SLIT3: variants seen among roughly 807,000 people sequenced by gnomAD.
SLIT3 encodes the protein slit homolog 3 protein.
A neutral mutation model predicts 184.0 loss-of-function variants in SLIT3; 68 were observed. The observed-to-expected ratio is 0.37, with a 90% confidence interval of 0.30 to 0.45. SLIT3 has a LOEUF of 0.45. Ranked by LOEUF, SLIT3 falls within the 20% of genes least tolerant of loss-of-function variation. The pLI, the probability that SLIT3 is intolerant of heterozygous loss-of-function variation, is 1.00. For synonymous variants in SLIT3, 831 were observed against 828.6 expected, an observed-to-expected ratio of 1.00 and a Z score of -0.05; for missense variants, 1,707 against 2,026.0, an observed-to-expected ratio of 0.84 and a Z score of 3.02.
Position 168,907,250 on chromosome 5 carries a change from C to T in SLIT3, c.414-23914G>A, listed in dbSNP as rs151322435. 2.8e-3 allele frequency among the ~76,000 whole-genome samples: 424 copies of T among 152,298 alleles called. 23 individuals carry two copies. The East Asian group carries it at 0.065, about 23-fold the overall frequency. ...CTTTCTGCCCTACCTAGCCCTGTGT[C>T]GGTGCAGAGCCACAGCTTTGGGTCA... On this transcript the variant is annotated intron_variant, in intron 4 of 35. Coordinates refer to ENST00000519560, the MANE Select transcript of SLIT3 (RefSeq NM_003062.4).
chr5:169,050,138 G>A (rs910438714), intron 4 of SLIT3, among the ~76,000 whole-genome samples: 7 of 152,176 alleles, frequency 4.6e-5, no homozygotes, highest in Non-Finnish European at 1.0e-4. Flanking sequence ...CCAGCAGGCC[G>A]TTTGCTGGGC....
chr5:168,738,639 T>TA (rs996868640), intron 20 of SLIT3, among the ~76,000 whole-genome samples: 6 of 152,182 alleles, frequency 3.9e-5, no homozygotes, highest in Admixed American at 6.5e-5. Context: ...CCCATCACTT[T>TA]AAAAAAAGCA....
At chr5:168,821,073 A>T (rs1374132561) in intron 7 of SLIT3, among the ~76,000 whole-genome samples, 1 of 152,216 alleles carries the variant, frequency 6.6e-6, no homozygotes. Flanking sequence ...GGCAGCAGGC[A>T]GGGAGCAAAG....
Position 168,723,564 on chromosome 5 carries a change from T to C in SLIT3, c.2340-560A>G, listed in dbSNP as rs137899581. On this transcript the variant is annotated intron_variant, in intron 21 of 35. Transcript: ENST00000519560. Reference sequence around the variant, plus strand: ...TAATAACAATCTCTCCTTGTTTTAGTACTTTTTTCCCCTGATTAATTCTTT... The same window carrying C: ...TAATAACAATCTCTCCTTGTTTTAGCACTTTTTTCCCCTGATTAATTCTTT... 3.9e-3 allele frequency among the ~76,000 whole-genome samples: 592 copies of C among 152,342 alleles called. 4 individuals are homozygous for C. Among genetic ancestry groups the C allele is most frequent in the African/African-American group, 0.013 (549 of 41,576 alleles).
intron 4 of SLIT3, among the ~76,000 whole-genome samples, chr5:169,098,108 C>CGGAAG (rs1759856946): frequency 1.3e-5 from 2 of 151,992 alleles, no homozygotes; most frequent in Non-Finnish European, 2.9e-5. Context: ...CAATGGGTAT[C>CGGAAG]CCTGGGCCCC....
chr5:168,996,647 A>G (rs1218691419), intron 4 of SLIT3, among the ~76,000 whole-genome samples: 2 of 152,178 alleles, frequency 1.3e-5, no homozygotes, highest in Non-Finnish European at 2.9e-5. Context: ...TAGACATTTC[A>G]CTGATGAATG....
intron 1 of SLIT3, among the ~76,000 whole-genome samples, chr5:169,257,533 CTTTTTTTTTTTT>C (rs1157258489): frequency 7.4e-5 from 6 of 80,908 alleles, no homozygotes; most frequent in Non-Finnish European, 1.1e-4. Context: ...TCTATGCCTC[CTTTTTTTTTTTT>C]TTTTTTTTTT....
In SLIT3 at chr5:168,785,900, T is replaced by C; in HGVS notation, c.1151+7A>G. ...AAGACACCAACAGTGACAAAGTTCC[T>C]ACTCACAGCAGCTGTAGGGACACCA... On this transcript the variant is annotated splice_region_variant and intron_variant, in intron 12 of 35. Transcript: ENST00000519560. 1 of 1,607,988 alleles carries C rather than the reference T, an allele frequency of 6.2e-7. No individual in the cohort carries two copies. Among genetic ancestry groups the C allele is most frequent in the Non-Finnish European group, 8.5e-7 (1 of 1,174,818 alleles).
At chr5:168,736,082 G>C (rs955187019) in intron 20 of SLIT3, among the ~76,000 whole-genome samples, 1 of 152,144 alleles carries the variant, frequency 6.6e-6, no homozygotes, top group African/African-American at 2.4e-5. Flanking sequence ...GCCTGATCTG[G>C]TCGGTTTTCT....
At chr5:168,768,297 C>T (rs528625685) in intron 14 of SLIT3, 19 of 475,958 alleles carry the variant, frequency 4.0e-5, no homozygotes, top group African/African-American at 5.9e-5. Context: ...AGGACAGGAG[C>T]GCTCAGAGGA....
chr5:169,100,008 G>C (rs2113227145), intron 4 of SLIT3, among the ~76,000 whole-genome samples: 1 of 152,328 alleles, frequency 6.6e-6, no homozygotes, highest in East Asian at 1.9e-4. Flanking sequence ...AGAGATGACT[G>C]GCCTTTAGCT....
chr5:169,149,730 A>G (rs144707245), intron 4 of SLIT3, among the ~76,000 whole-genome samples: 1 of 152,346 alleles, frequency 6.6e-6, no homozygotes, highest in East Asian at 1.9e-4. Context: ...GACAGCACAC[A>G]CTTGTGATCA....
chr5:169,212,135 C>T (rs962128237), intron 3 of SLIT3, among the ~76,000 whole-genome samples: 3 of 152,054 alleles, frequency 2.0e-5, no homozygotes, highest in Non-Finnish European at 4.4e-5. Context: ...GGGTATATAC[C>T]CAGTAATGGG....
chr5:169,117,233 G>A (rs1412923603), intron 4 of SLIT3, among the ~76,000 whole-genome samples: 1 of 152,172 alleles, frequency 6.6e-6, no homozygotes, highest in African/African-American at 2.4e-5. Flanking sequence ...CAAACTGCCA[G>A]GATACATAAC....
At chr5:169,251,158 C>G (rs978038317) in intron 2 of SLIT3, among the ~76,000 whole-genome samples, 9 of 152,210 alleles carry the variant, frequency 5.9e-5, no homozygotes, top group Admixed American at 2.6e-4. Context: ...TCCACTTTCC[C>G]TATCACTGGA....
At chr5:168,969,201 A>G (rs938853464) in intron 4 of SLIT3, among the ~76,000 whole-genome samples, 1 of 152,186 alleles carries the variant, frequency 6.6e-6, no homozygotes, top group African/African-American at 2.4e-5. Flanking sequence ...GGTTTATCTT[A>G]CCCCACTGAG....
At chr5:169,029,192 T>C (rs975099327) in intron 4 of SLIT3, among the ~76,000 whole-genome samples, 3 of 152,260 alleles carry the variant, frequency 2.0e-5, no homozygotes, top group Non-Finnish European at 4.4e-5. Flanking sequence ...AATCTATGCA[T>C]AGCTGACTTA....
intron 4 of SLIT3, among the ~76,000 whole-genome samples, chr5:168,886,004 T>C (rs1258976289): frequency 6.6e-6 from 1 of 152,224 alleles, no homozygotes. Context: ...ATTTTCTTGC[T>C]GTAAATATAA....
chr5:168,667,821 A>AAAAGG (rs1209828022), intron 35 of SLIT3: 1 of 152,210 alleles, frequency 6.6e-6, no homozygotes, highest in African/African-American at 2.4e-5. Flanking sequence ...TGAGATTGTT[A>AAAAGG]AAAGGATTAG....
Sources: gnomAD v4.1 joint callset for allele counts (sites outside exome capture counted in the v4.1 genomes callset) on GRCh38, gnomAD v4.1.1 for gene constraint, MANE v1.5 for transcripts, NCBI Gene and HGNC (gene_info 2026-07-23, HGNC 2026-07-21) for gene names.